Variants in CSMD3 observed in about 807,000 individuals in gnomAD.
CSMD3 encodes CUB and sushi domain-containing protein 3.
In CSMD3, 177 loss-of-function variants were observed where a neutral mutation model predicts 435.2. That is an observed-to-expected ratio of 0.41 (90% CI 0.36 to 0.46). CSMD3 has a LOEUF of 0.46. Ranked by LOEUF, CSMD3 falls within the 20% of genes least tolerant of loss-of-function variation. CSMD3 has a pLI of 0.34. For missense variants in CSMD3, 4,265 were observed against 4,504.6 expected (o/e 0.95, Z 1.52); for synonymous variants, 1,656 against 1,520.5 (o/e 1.09, Z -2.07).
At chr8:112,646,328 C>T (rs1586880156) in intron 19 of CSMD3, among the ~76,000 whole-genome samples, 1 of 152,110 alleles carries the variant, frequency 6.6e-6, no homozygotes, top group African/African-American at 2.4e-5. Flanking sequence ...TCAGAAAGGA[C>T]ACCAGACATG....
chr8:112,530,906 C>T (rs1825464602), intron 27 of CSMD3, among the ~76,000 whole-genome samples: 1 of 152,154 alleles, frequency 6.6e-6, no homozygotes, highest in South Asian at 2.1e-4. Context: ...GGTCTTGGGC[C>T]TCAAATAAAT....
intron 57 of CSMD3, 112 bp from the exon 58 acceptor site, chr8:112,287,358 C>G (rs980755524): frequency 2.2e-6 from 2 of 895,586 alleles, no homozygotes; most frequent in Admixed American, 1.8e-5. Context: ...TGTTTTAGCA[C>G]AGATGGAGTA....
At chr8:113,004,322 CA>C (rs537170332) in intron 6 of CSMD3, among the ~76,000 whole-genome samples, 1 of 151,592 alleles carries the variant, frequency 6.6e-6, no homozygotes, top group Non-Finnish European at 1.5e-5. Flanking sequence ...CCAAAGAATA[CA>C]AAAAAATGTA....
intron 12 of CSMD3, among the ~76,000 whole-genome samples, chr8:112,827,914 T>C (rs1043171065): frequency 6.6e-6 from 1 of 152,114 alleles, no homozygotes; most frequent in Admixed American, 6.5e-5. Flanking sequence ...GGTCACCAGT[T>C]TTACAAGAAG....
intron 13 of CSMD3, among the ~76,000 whole-genome samples, chr8:112,793,369 G>C (rs1410088518): frequency 1.3e-5 from 2 of 151,166 alleles, no homozygotes; most frequent in Non-Finnish European, 2.9e-5. Context: ...ACATATAACT[G>C]TTCCTTCCTG....
At chr8:113,125,612 TAAATACAGTAGTA>T (rs1277631641) in intron 4 of CSMD3, among the ~76,000 whole-genome samples, 5 of 151,644 alleles carry the variant, frequency 3.3e-5, no homozygotes, top group Non-Finnish European at 7.4e-5. Context: ...AGATGAGAAA[TAAATACAGTAGTA>T]AAGAAGAGTG....
rs143513587 is a variant in CSMD3 at position 112,721,294 on chromosome 8, G to T, written c.1973-31244C>A. Among the ~76,000 whole-genome samples the T allele has an allele frequency of 4.0e-3, 614 of 152,216 alleles. 3 individuals carry two copies. The highest frequency in any genetic ancestry group is 0.014 in the African/African-American group (582 of 41,528). The stretch of plus-strand genomic sequence containing the variant: ...TCACATTAGAAATGTTAAAATATTG[G>T]CCGGGCATGGTGGCTCATTCCTGCA... On this transcript the variant is annotated intron_variant, in intron 13 of 70. Transcript: ENST00000297405.
chr8:112,704,835 G>C (rs938459520), intron 13 of CSMD3, among the ~76,000 whole-genome samples: 1 of 151,944 alleles, frequency 6.6e-6, no homozygotes. Flanking sequence ...ACTTTGAAAC[G>C]CTCCACAATG....
At chr8:112,687,422 T>C (rs2076037282) in intron 14 of CSMD3, among the ~76,000 whole-genome samples, 2 of 152,180 alleles carry the variant, frequency 1.3e-5, no homozygotes, top group African/African-American at 4.8e-5. Flanking sequence ...CATTATTTTG[T>C]AATTTTAGTA....
At chr8:112,847,650 G>A (rs972358861) in intron 11 of CSMD3, among the ~76,000 whole-genome samples, 3 of 152,110 alleles carry the variant, frequency 2.0e-5, no homozygotes, top group African/African-American at 7.2e-5. Flanking sequence ...GACTCTCTAT[G>A]CCTGGCTGAG....
intron 6 of CSMD3, among the ~76,000 whole-genome samples, chr8:113,013,607 C>T (rs2086339995): frequency 7.2e-5 from 11 of 151,982 alleles, no homozygotes. Context: ...AAAGGGAAAT[C>T]TACAAAAGCA....
chr8:112,678,392 G>A (rs1682611852), intron 16 of CSMD3, among the ~76,000 whole-genome samples: 1 of 152,062 alleles, frequency 6.6e-6, no homozygotes, highest in African/African-American at 2.4e-5. Flanking sequence ...TTAAAAGATT[G>A]GATAATCAAA....
At chr8:113,065,615 C>G (rs1163866149) in intron 5 of CSMD3, among the ~76,000 whole-genome samples, 1 of 152,032 alleles carries the variant, frequency 6.6e-6, no homozygotes, top group Non-Finnish European at 1.5e-5. Context: ...GTCTCGATCT[C>G]CTGACTTCGT....
At chr8:112,819,718 A>T (rs941257994) in intron 12 of CSMD3, among the ~76,000 whole-genome samples, 1 of 152,212 alleles carries the variant, frequency 6.6e-6, no homozygotes, top group Non-Finnish European at 1.5e-5. Context: ...ACAGAACAAA[A>T]CTAGAAATCA....
chr8:112,637,074 T>A, intron 21 of CSMD3, 69 bp from the exon 22 acceptor site: 1 of 1,210,258 alleles, frequency 8.3e-7, no homozygotes, highest in Non-Finnish European at 1.2e-6. Context: ...TGGTTACTTT[T>A]AAAGGTATAT....
At chr8:112,741,471 G>T (rs1014904377) in intron 13 of CSMD3, among the ~76,000 whole-genome samples, 1 of 151,846 alleles carries the variant, frequency 6.6e-6, no homozygotes, top group Admixed American at 6.6e-5. Context: ...GATAACAAGA[G>T]CTGGCAGGAC....
chr8:112,344,590 A>T (rs1295858930), intron 41 of CSMD3, among the ~76,000 whole-genome samples: 2 of 152,096 alleles, frequency 1.3e-5, no homozygotes, highest in Non-Finnish European at 2.9e-5. Flanking sequence ...CTCTAAAACT[A>T]CCTGGTTTGT....
At chr8:113,428,224 CTATCTATCTAT>C (rs2094648070) in intron 1 of CSMD3, among the ~76,000 whole-genome samples, 1 of 149,746 alleles carries the variant, frequency 6.7e-6, no homozygotes, top group Non-Finnish European at 1.5e-5. Context: ...ATCTATCTAT[CTATCTATCTAT>C]CTATCTATCT....
At chr8:112,325,176 T>C (rs1823377796) in intron 45 of CSMD3, among the ~76,000 whole-genome samples, 1 of 152,146 alleles carries the variant, frequency 6.6e-6, no homozygotes, top group African/African-American at 2.4e-5. Context: ...ATACTAAATT[T>C]CAAAAAATCA....
Sources: gnomAD v4.1 joint callset for allele counts (sites outside exome capture counted in the v4.1 genomes callset) on GRCh38, gnomAD v4.1.1 for gene constraint, MANE v1.5 for transcripts, NCBI Gene and HGNC (gene_info 2026-07-23, HGNC 2026-07-21) for gene names.